FAM83A: variants seen among roughly 807,000 people sequenced by gnomAD.
The protein encoded by FAM83A is protein FAM83A.
A neutral mutation model predicts 24.4 loss-of-function variants in FAM83A; 21 were observed. That is an observed-to-expected ratio of 0.86 (90% CI 0.61 to 1.24). FAM83A has a LOEUF of 1.24. Among genes scored for constraint, FAM83A ranks in the 50% most tolerant of loss-of-function variants. FAM83A has a pLI of 0.00. For synonymous variants in FAM83A, 270 were observed against 252.4 expected (o/e 1.07, Z -0.66); for missense variants, 617 against 579.8 (o/e 1.06, Z -0.66).
At chr8:123,207,303 C>T in exon 4 of FAM83A, 1 of 1,611,472 alleles carries the variant, frequency 6.2e-7, no homozygotes, top group Non-Finnish European at 8.5e-7. Context: ...CTGGTCGCCC[C>T]CGTCCCGCCC....
upstream of FAM83A, among the ~76,000 whole-genome samples, chr8:123,181,483 C>T (rs551025589): frequency 5.3e-5 from 8 of 152,168 alleles, no homozygotes; most frequent in South Asian, 1.2e-3. Context: ...TTCATTTATT[C>T]GCTCCTCACC....
intron 2 of FAM83A, among the ~76,000 whole-genome samples, chr8:123,192,669 G>T (rs1445389298): frequency 6.6e-6 from 1 of 152,132 alleles, no homozygotes. Context: ...GGCAAGAGAG[G>T]TTCTGTCCTC....
chr8:123,187,307 G>A (rs966822266), intron 1 of FAM83A, among the ~76,000 whole-genome samples: 3 of 152,080 alleles, frequency 2.0e-5, no homozygotes, highest in Non-Finnish European at 4.4e-5. Context: ...AGGTCCCTGG[G>A]GCCCTTTCAG....
At chr8:123,196,962 C>A (rs950832055) in intron 3 of FAM83A, among the ~76,000 whole-genome samples, 6 of 152,170 alleles carry the variant, frequency 3.9e-5, no homozygotes, top group Admixed American at 3.9e-4. Context: ...TTAAATCTGA[C>A]CTCCTCATCC....
At position 123,198,623 on chromosome 8, in the gene FAM83A, G is replaced by A. The variant is rs372121246; in HGVS notation, c.773+4475G>A. ...CAGGAAAACAGAATGTCTGTCTTCA[G>A]CTTCTCGAAATATGAATTGTTCCAC... On this transcript the variant is annotated intron_variant, in intron 3 of 3. Transcript: ENST00000690554. Among the ~76,000 whole-genome samples, 78 of 152,288 alleles carry A rather than the reference G, an allele frequency of 5.1e-4. No homozygotes were observed. In the South Asian group the frequency reaches 0.016, roughly 32 times the overall value.
exon 4 of FAM83A, chr8:123,208,042 GT>G (rs1393251766): frequency 1.8e-6 from 2 of 1,084,624 alleles, no homozygotes; most frequent in East Asian, 1.2e-4. Flanking sequence ...TGCAGCCCAA[GT>G]TTTACAAATG....
At chr8:123,182,596 G>A (rs1462037294), upstream of FAM83A, 3 of 673,338 alleles carry the variant, frequency 4.5e-6, no homozygotes, top group Non-Finnish European at 8.1e-6. Context: ...AGGTGTCTGA[G>A]CCAGCCCTCC....
intron 3 of FAM83A, among the ~76,000 whole-genome samples, chr8:123,194,912 CTCCTACA>C (rs1291592350): frequency 6.6e-6 from 1 of 152,228 alleles, no homozygotes; most frequent in African/African-American, 2.4e-5. Flanking sequence ...CACACATAGA[CTCCTACA>C]TCCAAATGAC....
chr8:123,199,965 G>C (rs1259448655), intron 3 of FAM83A: 1 of 154,118 alleles, frequency 6.5e-6, no homozygotes. Flanking sequence ...CAGCAGAGAA[G>C]TCTGAAACCA....
exon 1 of FAM83A, chr8:123,182,827 C>T (rs748214447): frequency 1.5e-5 from 22 of 1,515,460 alleles, no homozygotes; most frequent in Non-Finnish European, 1.9e-5. Context: ...ACGTGCCAGC[C>T]TCCCCCAGCA....
intron 2 of FAM83A, among the ~76,000 whole-genome samples, chr8:123,192,596 AGGCCTG>A (rs1405406932): frequency 6.6e-6 from 1 of 152,204 alleles, no homozygotes; most frequent in Non-Finnish European, 1.5e-5. Flanking sequence ...TTTCATGAGT[AGGCCTG>A]GGTGAACAGC....
chr8:123,181,880 G>A (rs1206452386), upstream of FAM83A: 2 of 359,636 alleles, frequency 5.6e-6, no homozygotes, highest in Non-Finnish European at 1.1e-5. Flanking sequence ...CTCAGAGCCT[G>A]TTTCCAGCAG....
At chr8:123,181,903 G>A (rs1461543765), upstream of FAM83A, 1 of 376,996 alleles carries the variant, frequency 2.7e-6, no homozygotes, top group African/African-American at 2.1e-5. Flanking sequence ...CCCACCCAAA[G>A]AGAGTCAGGG....
chr8:123,195,961 T>C (rs1319350220), intron 3 of FAM83A, among the ~76,000 whole-genome samples: 1 of 152,280 alleles, frequency 6.6e-6, no homozygotes, highest in Non-Finnish European at 1.5e-5. Flanking sequence ...CATCCCATTA[T>C]TTTCAAACTT....
intron 3 of FAM83A, among the ~76,000 whole-genome samples, chr8:123,196,816 G>A (rs1010883869): frequency 6.6e-6 from 1 of 152,204 alleles, no homozygotes; most frequent in Admixed American, 6.5e-5. Context: ...CCAAGGGCAG[G>A]ACCAGGGGCT....
intron 1 of FAM83A, 87 bp from the exon 2 acceptor site, chr8:123,191,716 G>A: frequency 7.1e-7 from 1 of 1,415,510 alleles, no homozygotes; most frequent in East Asian, 2.3e-5. Flanking sequence ...GCTCTCCCAG[G>A]CCCACTGGGA....
chr8:123,188,488 C>CT (rs111400518), intron 1 of FAM83A, among the ~76,000 whole-genome samples: 236 of 144,754 alleles, frequency 1.6e-3, no homozygotes, highest in Middle Eastern at 3.6e-3. Flanking sequence ...TTCTTTCTTA[C>CT]TTTTTTTTTT....
At chr8:123,200,962 A>ATATATATATATATAT (rs1376845493) in intron 3 of FAM83A, among the ~76,000 whole-genome samples, 38 of 141,200 alleles carry the variant, frequency 2.7e-4, no homozygotes, top group African/African-American at 9.8e-4. Context: ...ATAAACAAAA[A>ATATATATATATATAT]AAAAAAATAT....
chr8:123,199,471 A>G (rs1824273977), intron 3 of FAM83A, among the ~76,000 whole-genome samples: 1 of 152,198 alleles, frequency 6.6e-6, no homozygotes, highest in African/African-American at 2.4e-5. Context: ...GCGGTGGCTC[A>G]CGCCTGTAAT....
Sources: allele counts gnomAD v4.1 joint callset (sites outside exome capture counted in the v4.1 genomes callset), GRCh38; gene constraint gnomAD v4.1.1; transcripts MANE v1.5; gene names NCBI Gene and HGNC (gene_info 2026-07-23, HGNC 2026-07-21).